The following TRPC5OS variants were observed in gnomAD, a reference collection of about 807,000 sequenced individuals.
TRPC5OS encodes the protein putative uncharacterized protein TRPC5OS.
For missense variants in TRPC5OS, 64 were observed against 79.3 expected (o/e 0.81, Z 0.73); for synonymous variants, 30 against 29.3 (o/e 1.02, Z -0.08).
At position 111,902,965 on chromosome X, in the gene TRPC5OS, A is replaced by G. The variant is rs1177933368; in HGVS notation, c.*780A>G. On this transcript the variant is annotated 3_prime_UTR_variant, in exon 4 of 4. Transcript: ENST00000635763. Reference sequence around the variant, plus strand: ...GGCTAAGCAAAGCCCTACAAGGACTATTCACCAATGGAAAGACAAACACTC... The same window carrying G: ...GGCTAAGCAAAGCCCTACAAGGACTGTTCACCAATGGAAAGACAAACACTC... 8.9e-6 allele frequency: 1 copy of G among 112,122 alleles called. No homozygotes were observed. The highest frequency in any genetic ancestry group is 1.9e-5 in the Non-Finnish European group (1 of 53,191). The allele number at this position is 112,122 out of a possible 1,213,427, so 9.2% of individuals were successfully genotyped here. A position where few individuals can be genotyped will look rare whatever the true frequency, so the allele number is the denominator to read the frequency against.
Position 111,902,167 on chromosome X carries a change from T to C in TRPC5OS, c.318T>C (p.Asp106=). The C allele has an allele frequency of 8.8e-7, 1 of 1,136,741 alleles. No homozygotes were observed. Among genetic ancestry groups the C allele is most frequent in the Non-Finnish European group, 1.2e-6 (1 of 863,519 alleles). The allele number at this position is 1,136,741 out of a possible 1,213,427, so 93.7% of individuals were successfully genotyped here. A position where few individuals can be genotyped will look rare whatever the true frequency, so the allele number is the denominator to read the frequency against. The change falls in exon 4 of 4, where the codon GAT becomes GAC. Residue 106 remains aspartate, a synonymous_variant. Transcript: ENST00000635763. The part of the protein sequence containing the change: ...LYEDTVSGIN[D]DLTGD ...AAGATACAGTCTCTGGTATAAATGA[T>C]GACTTAACAGGTGACTAAGACCCAA... is the stretch of plus-strand genomic sequence containing the variant.
intron 1 of TRPC5OS, among the ~76,000 whole-genome samples, chrX:111,878,632 C>T (rs924419988): frequency 2.7e-5 from 3 of 111,536 alleles, no homozygotes; most frequent in African/African-American, 9.8e-5. Context: ...GACAATGGCA[C>T]CTCCCCTCAA....
chrX:111,881,773 G>C (rs1924236385), intron 1 of TRPC5OS: 1 of 110,942 alleles, frequency 9.0e-6, no homozygotes, highest in Admixed American at 9.6e-5. Context: ...CTCCCCTACT[G>C]AGGAATGCTA....
At chrX:111,896,998 C>T (rs1293379697) in intron 3 of TRPC5OS, among the ~76,000 whole-genome samples, 4 of 112,034 alleles carry the variant, frequency 3.6e-5, no homozygotes, top group Non-Finnish European at 5.6e-5. Flanking sequence ...AACATGACAC[C>T]TTTGCTTTCT....
At position 111,903,651 on chromosome X, in the gene TRPC5OS, C is replaced by T. The variant is rs1925471790; in HGVS notation, c.*1466C>T. 1 of 111,710 alleles carries T rather than the reference C, an allele frequency of 9.0e-6. No individual in the cohort carries two copies. Among genetic ancestry groups the T allele is most frequent in the African/African-American group, 3.3e-5 (1 of 30,606 alleles). The allele number at this position is 111,710 out of a possible 1,213,427, so 9.2% of individuals were successfully genotyped here. ...TGGCTGATCCTTTATGCAAATTAGC[C>T]CTTTTCTGTATCTTCTTAAGACCAG... On this transcript the variant is annotated 3_prime_UTR_variant, in exon 4 of 4. Coordinates refer to ENST00000635763, the MANE Select transcript of TRPC5OS (RefSeq NM_001195578.2).
intron 1 of TRPC5OS, among the ~76,000 whole-genome samples, chrX:111,889,289 A>T (rs1847086951): frequency 9.0e-6 from 1 of 111,591 alleles, no homozygotes; most frequent in Non-Finnish European, 1.9e-5. Context: ...GACTTTAGCA[A>T]GGGTAGTAAG....
intron 3 of TRPC5OS, among the ~76,000 whole-genome samples, chrX:111,898,254 TATATA>T: frequency 1.6e-5 from 1 of 61,690 alleles, no homozygotes; most frequent in African/African-American, 2.9e-4. Flanking sequence ...GGGGTTCTTA[TATATA>T]TATATATATA....
chrX:111,876,713 C>T (rs1482202561), intron 1 of TRPC5OS, among the ~76,000 whole-genome samples: 1 of 111,492 alleles, frequency 9.0e-6, no homozygotes, highest in Non-Finnish European at 1.9e-5. Flanking sequence ...ACCCAGAATT[C>T]CCTGGCAATA....
chrX:111,885,699 A>C (rs1924457878), intron 1 of TRPC5OS, among the ~76,000 whole-genome samples: 2 of 111,479 alleles, frequency 1.8e-5, no homozygotes, highest in Non-Finnish European at 3.8e-5. Flanking sequence ...ACTCAGGTTT[A>C]GAGAGAATAA....
chrX:111,896,153 G>A (rs994613127), intron 2 of TRPC5OS, 57 bp downstream of exon 2: 2 of 110,717 alleles, frequency 1.8e-5, no homozygotes, highest in Non-Finnish European at 3.8e-5. Flanking sequence ...CATTATTTTA[G>A]TGTCTCCCAA....
intron 1 of TRPC5OS, among the ~76,000 whole-genome samples, chrX:111,883,418 G>A (rs911747889): frequency 8.9e-6 from 1 of 112,361 alleles, no homozygotes; most frequent in Non-Finnish European, 1.9e-5. Flanking sequence ...TTAAGTCCTA[G>A]CAAGATCATA....
At chrX:111,898,890 G>A (rs1209274227) in intron 3 of TRPC5OS, among the ~76,000 whole-genome samples, 1 of 109,921 alleles carries the variant, frequency 9.1e-6, no homozygotes, top group African/African-American at 3.3e-5. Context: ...CAAGGAGAAA[G>A]GGATCCCAGG....
chrX:111,878,324 A>C (rs971649278), intron 1 of TRPC5OS, among the ~76,000 whole-genome samples: 1 of 111,654 alleles, frequency 9.0e-6, no homozygotes, highest in Non-Finnish European at 1.9e-5. Context: ...GAAAAAAAAA[A>C]CTAAGTGATA....
intron 1 of TRPC5OS, among the ~76,000 whole-genome samples, chrX:111,895,556 A>G (rs1231155525): frequency 9.0e-6 from 1 of 110,910 alleles, no homozygotes; most frequent in African/African-American, 3.3e-5. Flanking sequence ...CCTCTGGGAA[A>G]TATTTGCCTA....
At chrX:111,891,025 A>G (rs1247405028) in intron 1 of TRPC5OS, among the ~76,000 whole-genome samples, 2 of 111,929 alleles carry the variant, frequency 1.8e-5, no homozygotes, top group Non-Finnish European at 3.8e-5. Flanking sequence ...AGCTCAATCC[A>G]TGTCCCTGCA....
chrX:111,895,366 A>T (rs748716208), intron 1 of TRPC5OS, among the ~76,000 whole-genome samples: 161 of 111,866 alleles, frequency 1.4e-3, no homozygotes, highest in African/African-American at 5.0e-3. Flanking sequence ...TATATTTTTT[A>T]AAAATTAGAT....
Position 111,881,145 on chromosome X carries a change from T to TATTTTA in TRPC5OS, c.-546+4872_-546+4873insATTTTA, listed in dbSNP as rs201802293. Among the ~76,000 whole-genome samples, 574 of 95,025 alleles carry TATTTTA rather than the reference T, an allele frequency of 6.0e-3. 3 individuals are homozygous for TATTTTA. Among genetic ancestry groups the TATTTTA allele is most frequent in the African/African-American group, 0.031 (549 of 17,892 alleles). 82.5% of individuals were successfully genotyped at this position (95,025 alleles called of 115,157 possible). On this transcript the variant is annotated intron_variant, in intron 1 of 3. Coordinates refer to ENST00000635763, the MANE Select transcript of TRPC5OS (RefSeq NM_001195578.2). ...TTGCTGTTGTTTTGTGATTTTCTTTTGTTTATTTTATTTTATTTTATTTTA... is the reference window on the plus strand; with the variant it reads ...TTGCTGTTGTTTTGTGATTTTCTTTTATTTTAGTTTATTTTATTTTATTTTATTTTA...
chrX:111,887,887 GATC>G (rs1229435658), intron 1 of TRPC5OS, among the ~76,000 whole-genome samples: 1 of 111,919 alleles, frequency 8.9e-6, no homozygotes. Context: ...GAAAATAAAT[GATC>G]ATCATAATAA....
chrX:111,892,039 A>G (rs1924832827), intron 1 of TRPC5OS, among the ~76,000 whole-genome samples: 1 of 111,905 alleles, frequency 8.9e-6, no homozygotes, highest in African/African-American at 3.2e-5. Context: ...GAGGGAAGCA[A>G]TCTGTAATCG....
Sources: gnomAD v4.1 joint callset for allele counts (sites outside exome capture counted in the v4.1 genomes callset) on GRCh38, gnomAD v4.1.1 for gene constraint, MANE v1.5 for transcripts, NCBI Gene and HGNC (gene_info 2026-07-23, HGNC 2026-07-21) for gene names.